Variants in TRAF3 observed in about 807,000 individuals in gnomAD.
TRAF3 encodes the protein TNF receptor-associated factor 3.
In TRAF3, 13 loss-of-function variants were observed where a neutral mutation model predicts 62.3. The ratio of observed to expected loss-of-function variants is 0.21; its 90% CI spans 0.14 to 0.33. The LOEUF (loss-of-function observed/expected upper bound fraction) is 0.33. Among genes scored for constraint, TRAF3 ranks in the 10% least tolerant of loss-of-function variants. TRAF3 has a pLI of 1.00. For missense variants in TRAF3, 440 were observed against 741.8 expected (o/e 0.59, Z 4.73); for synonymous variants, 269 against 283.4 (o/e 0.95, Z 0.51).
chr14:102,877,207 CATAG>C (rs1888732416), intron 6 of TRAF3, among the ~76,000 whole-genome samples: 2 of 149,654 alleles, frequency 1.3e-5, no homozygotes, highest in Admixed American at 1.3e-4. Flanking sequence ...CCGCTCAGCT[CATAG>C]ATAATCCGTT....
intron 8 of TRAF3, 70 bp from the exon 9 acceptor site, chr14:102,891,255 G>A (rs938332234): frequency 5.0e-5 from 70 of 1,407,528 alleles, no homozygotes; most frequent in African/African-American, 9.9e-5. Flanking sequence ...TTTTAGGGTC[G>A]TATGTTAGCC....
intron 1 of TRAF3, among the ~76,000 whole-genome samples, chr14:102,790,188 C>T (rs1055370925): frequency 2.0e-5 from 3 of 152,058 alleles, no homozygotes; most frequent in Non-Finnish European, 4.4e-5. Context: ...TCAGTTAATT[C>T]TTGTATATGG....
chr14:102,894,063 A>C (rs1889871492), intron 9 of TRAF3, among the ~76,000 whole-genome samples: 2 of 152,220 alleles, frequency 1.3e-5, no homozygotes, highest in South Asian at 2.1e-4. Context: ...GCGGTGGCTC[A>C]TGCCTGTAAT....
chr14:102,856,097 CAAAA>C (rs3070340), intron 2 of TRAF3, among the ~76,000 whole-genome samples: 1 of 62,950 alleles, frequency 1.6e-5, no homozygotes, highest in Non-Finnish European at 3.3e-5. Flanking sequence ...CCCTGTCTCA[CAAAA>C]AAAAAAAAAA....
At chr14:102,846,241 TC>T (rs1886714851) in intron 2 of TRAF3, among the ~76,000 whole-genome samples, 3 of 152,154 alleles carry the variant, frequency 2.0e-5, no homozygotes, top group South Asian at 2.1e-4. Context: ...AAATCTTAAG[TC>T]GTGTTTATAT....
chr14:102,839,048 G>A (rs921640299), intron 2 of TRAF3, among the ~76,000 whole-genome samples: 1 of 152,052 alleles, frequency 6.6e-6, no homozygotes, highest in African/African-American at 2.4e-5. Flanking sequence ...CATGGTAGAA[G>A]CTTTCCCTGT....
At chr14:102,795,039 ATAAG>A (rs1383424337) in intron 1 of TRAF3, among the ~76,000 whole-genome samples, 1 of 152,230 alleles carries the variant, frequency 6.6e-6, no homozygotes, top group Non-Finnish European at 1.5e-5. Flanking sequence ...TTGAGAAAAT[ATAAG>A]TAAGCCTATA....
intron 6 of TRAF3, among the ~76,000 whole-genome samples, chr14:102,885,278 C>T (rs546391386): frequency 6.6e-6 from 1 of 152,214 alleles, no homozygotes; most frequent in East Asian, 1.9e-4. Context: ...AAATCCCTCC[C>T]CAGTTCCTTC....
rs60882875 is a variant in TRAF3 at position 102,809,529 on chromosome 14, C to CT, written c.-156-20784dup. Among the ~76,000 whole-genome samples, 1,077 of 114,902 alleles carry CT rather than the reference C, an allele frequency of 9.4e-3. 14 individuals carry two copies. Among genetic ancestry groups the CT allele is most frequent in the African/African-American group, 0.015 (425 of 27,720 alleles). 75.4% of individuals were successfully genotyped at this position (114,902 alleles called of 152,430 possible). ...ATAATAAAATCTTTCACAGCATAGA[C>CT]TTTTTTTTTTTTTTTTTTTTTGAGA... On this transcript the variant is annotated intron_variant, in intron 1 of 11. Transcript: ENST00000392745.
chr14:102,877,620 C>G (rs573683286), intron 6 of TRAF3, among the ~76,000 whole-genome samples: 4 of 149,332 alleles, frequency 2.7e-5, no homozygotes, highest in Non-Finnish European at 5.9e-5. Flanking sequence ...GTTCCACAGG[C>G]CTTCCGCTCA....
At chr14:102,814,839 A>G (rs1020311862) in intron 1 of TRAF3, among the ~76,000 whole-genome samples, 1 of 152,122 alleles carries the variant, frequency 6.6e-6, no homozygotes, top group African/African-American at 2.4e-5. Flanking sequence ...CAATTTCTTG[A>G]TGGTGTTCTT....
chr14:102,836,543 G>A lies in TRAF3; in HGVS notation c.-18+6071G>A, dbSNP rs563424466. Reference sequence around the variant, plus strand: ...TATAGTTTATTTGAAAGGCCGCTTAGATGAAAATTCTAGGGTGATCTGGAA... The same window carrying A: ...TATAGTTTATTTGAAAGGCCGCTTAAATGAAAATTCTAGGGTGATCTGGAA... On this transcript the variant is annotated intron_variant, in intron 2 of 11. Coordinates refer to ENST00000392745, the MANE Select transcript of TRAF3 (RefSeq NM_145725.3). Among the ~76,000 whole-genome samples, 20 of 152,324 alleles carry A rather than the reference G, an allele frequency of 1.3e-4. No homozygotes were observed. In the East Asian group the frequency reaches 3.3e-3, roughly 25 times the overall value.
Position 102,910,264 on chromosome 14 carries a change from T to C in TRAF3, c.*4480T>C, listed in dbSNP as rs370848396. On this transcript the variant is annotated 3_prime_UTR_variant, in exon 12 of 12. Coordinates refer to ENST00000392745, the MANE Select transcript of TRAF3 (RefSeq NM_145725.3). Reference sequence around the variant, plus strand: ...GCTGTAAAATACTGTTTTTTAAAAATTTTAGTCCAGATCTTTACTTATTAG... The same window carrying C: ...GCTGTAAAATACTGTTTTTTAAAAACTTTAGTCCAGATCTTTACTTATTAG... 2.0e-5 allele frequency: 3 copies of C among 152,352 alleles called. No individual in the cohort carries two copies. Among genetic ancestry groups the C allele is most frequent in the African/African-American group, 7.2e-5 (3 of 41,584 alleles). 9.4% of individuals were successfully genotyped at this position (152,352 alleles called of 1,614,324 possible). A position where few individuals can be genotyped will look rare whatever the true frequency, so the allele number is the denominator to read the frequency against.
chr14:102,846,142 G>C (rs1886708811), intron 2 of TRAF3, among the ~76,000 whole-genome samples: 1 of 152,044 alleles, frequency 6.6e-6, no homozygotes, highest in African/African-American at 2.4e-5. Context: ...GAAATAGTTT[G>C]GCTTTAGAGT....
intron 2 of TRAF3, among the ~76,000 whole-genome samples, chr14:102,850,014 G>C (rs572300850): frequency 1.6e-4 from 24 of 152,264 alleles, no homozygotes; most frequent in African/African-American, 5.8e-4. Flanking sequence ...TTTTCCCCGG[G>C]CTTTCCAGCT....
At position 102,870,178 on chromosome 14, in the gene TRAF3, C is replaced by G. The variant is rs369814888; in HGVS notation, c.-17-7C>G. On this transcript the variant is annotated splice_polypyrimidine_tract_variant and splice_region_variant and intron_variant, in intron 2 of 11. Coordinates refer to ENST00000392745, the MANE Select transcript of TRAF3 (RefSeq NM_145725.3). ...TATGATGGCACTCTACTGTTTTTTC[C>G]CGACAGAACTCCTCTTTCCTAAAAT... 7 of 1,613,954 alleles carry G rather than the reference C, an allele frequency of 4.3e-6. No homozygotes were observed. Among genetic ancestry groups the G allele is most frequent in the Non-Finnish European group, 5.9e-6 (7 of 1,180,004 alleles).
intron 1 of TRAF3, among the ~76,000 whole-genome samples, chr14:102,806,091 G>A (rs1431502193): frequency 2.0e-5 from 3 of 151,644 alleles, no homozygotes; most frequent in Non-Finnish European, 4.4e-5. Context: ...GTGGGGTGGG[G>A]GATGCCACTG....
intron 10 of TRAF3, 78 bp downstream of exon 10, chr14:102,897,479 C>T (rs1890063633): frequency 1.9e-6 from 3 of 1,567,732 alleles, no homozygotes; most frequent in Non-Finnish European, 2.6e-6. Flanking sequence ...TCTTAGCAAA[C>T]TCTTTGAGCT....
At chr14:102,799,517 C>A (rs1020672196) in intron 1 of TRAF3, among the ~76,000 whole-genome samples, 1 of 152,132 alleles carries the variant, frequency 6.6e-6, no homozygotes, top group African/African-American at 2.4e-5. Context: ...ATGGTGCGAT[C>A]TCTGCTCGCT....
Sources: gnomAD v4.1 joint callset for allele counts (sites outside exome capture counted in the v4.1 genomes callset) on GRCh38, gnomAD v4.1.1 for gene constraint, MANE v1.5 for transcripts, NCBI Gene and HGNC (gene_info 2026-07-23, HGNC 2026-07-21) for gene names.